Variants in TRDN observed in about 807,000 individuals in gnomAD.
TRDN encodes triadin in skeletal muscle.
A neutral mutation model predicts 149.7 loss-of-function variants in TRDN; 161 were observed. That is an observed-to-expected ratio of 1.08 (90% CI 0.95 to 1.23). The LOEUF (loss-of-function observed/expected upper bound fraction) is 1.23. TRDN is among the 50% of genes most tolerant of loss of function. The pLI, the probability that TRDN is intolerant of heterozygous loss-of-function variation, is 0.00. For synonymous variants in TRDN, 294 were observed against 250.5 expected (o/e 1.17, Z -1.64); for missense variants, 896 against 823.5 (o/e 1.09, Z -1.08).
At chr6:123,280,317 GA>G (rs1777535521) in intron 24 of TRDN, among the ~76,000 whole-genome samples, 1 of 152,098 alleles carries the variant, frequency 6.6e-6, no homozygotes, top group African/African-American at 2.4e-5. Context: ...AGAAAAAATG[GA>G]AAGAATTTTA....
intron 24 of TRDN, among the ~76,000 whole-genome samples, chr6:123,291,581 T>C (rs1451570708): frequency 6.6e-6 from 1 of 151,758 alleles, no homozygotes; most frequent in Admixed American, 6.6e-5. Flanking sequence ...AAGAAAGAGG[T>C]AGTATAGGAC....
chr6:123,447,569 G>T (rs971226961), intron 10 of TRDN, among the ~76,000 whole-genome samples: 3 of 152,106 alleles, frequency 2.0e-5, no homozygotes, highest in Non-Finnish European at 4.4e-5. Context: ...CCAGCTGAAG[G>T]AACTGAGGTA....
chr6:123,619,219 TA>T (rs1785254208), intron 1 of TRDN, among the ~76,000 whole-genome samples: 1 of 152,198 alleles, frequency 6.6e-6, no homozygotes, highest in East Asian at 1.9e-4. Context: ...AAAACAACTG[TA>T]ATCATTTATT....
chr6:123,301,529 CA>C (rs985970080), intron 24 of TRDN, among the ~76,000 whole-genome samples: 3 of 151,404 alleles, frequency 2.0e-5, no homozygotes, highest in Non-Finnish European at 4.4e-5. Flanking sequence ...ATTATGAAAT[CA>C]ATTTATACAT....
At chr6:123,580,428 G>A (rs1008391709) in intron 1 of TRDN, among the ~76,000 whole-genome samples, 1 of 152,064 alleles carries the variant, frequency 6.6e-6, no homozygotes, top group Non-Finnish European at 1.5e-5. Flanking sequence ...GAGAAAGATG[G>A]GACTGTGATC....
At chr6:123,307,511 T>C (rs1188191388) in intron 24 of TRDN, among the ~76,000 whole-genome samples, 1 of 152,116 alleles carries the variant, frequency 6.6e-6, no homozygotes, top group Non-Finnish European at 1.5e-5. Flanking sequence ...AAGTAGTTTG[T>C]GCATTTTCTT....
intron 23 of TRDN, among the ~76,000 whole-genome samples, chr6:123,319,838 C>G (rs1025186373): frequency 5.3e-5 from 8 of 152,046 alleles, no homozygotes; most frequent in African/African-American, 1.9e-4. Flanking sequence ...CTGTTGATTT[C>G]ATTTGTGAAA....
chr6:123,294,484 G>T (rs1425189127), intron 24 of TRDN, among the ~76,000 whole-genome samples: 1 of 152,160 alleles, frequency 6.6e-6, no homozygotes, highest in Non-Finnish European at 1.5e-5. Flanking sequence ...CGGGGGTGTG[G>T]ATAGGGGTGA....
chr6:123,255,907 A>G lies in TRDN; in HGVS notation c.1871-5T>C. ...GATGCTTCATGTCTGCTTTTTCTGT[A>G]TAGAAGAAACAGTAACAGGGTAATT... On this transcript the variant is annotated splice_polypyrimidine_tract_variant and splice_region_variant and intron_variant, in intron 35 of 40. Transcript: ENST00000334268. 1 of 1,289,546 alleles carries G rather than the reference A, an allele frequency of 7.8e-7. No homozygotes were observed. The highest frequency in any genetic ancestry group is 1.0e-6 in the Non-Finnish European group (1 of 998,040). The allele number at this position is 1,289,546 out of a possible 1,614,324, so 79.9% of individuals were successfully genotyped here.
In TRDN at chr6:123,228,811, CCA is replaced by C. The variant is rs1380058667; in HGVS notation, c.1976-4682_1976-4681del. 1.1e-4 allele frequency among the ~76,000 whole-genome samples: 17 copies of C among 151,820 alleles called. No individual in the cohort carries two copies. The East Asian group carries it at 2.9e-3, about 26-fold the overall frequency. The stretch of plus-strand genomic sequence containing the variant: ...CTGACAGAGTCAAGTTATGCATGAG[CCA>C]CACACACACTTGTGCAGAACAGAAA... On this transcript the variant is annotated intron_variant, in intron 38 of 40. Coordinates refer to ENST00000334268, the MANE Select transcript of TRDN (RefSeq NM_006073.4).
At chr6:123,229,871 G>A (rs868819028) in intron 38 of TRDN, among the ~76,000 whole-genome samples, 14 of 151,812 alleles carry the variant, frequency 9.2e-5, no homozygotes, top group South Asian at 2.1e-4. Context: ...AAGTGAATTC[G>A]CAAATTTTAT....
intron 4 of TRDN, among the ~76,000 whole-genome samples, chr6:123,543,894 G>A (rs964652411): frequency 3.3e-5 from 5 of 151,544 alleles, no homozygotes; most frequent in African/African-American, 1.2e-4. Context: ...CCTCTCTCAC[G>A]AAAATTTTAC....
intron 1 of TRDN, among the ~76,000 whole-genome samples, chr6:123,597,687 C>T (rs1784099354): frequency 6.6e-6 from 1 of 152,090 alleles, no homozygotes. Flanking sequence ...CAAGGCAAGA[C>T]ACTTTACCAG....
chr6:123,552,489 G>A (rs1781449034), intron 2 of TRDN, among the ~76,000 whole-genome samples: 2 of 152,010 alleles, frequency 1.3e-5, no homozygotes, highest in Non-Finnish European at 1.5e-5. Context: ...CATATCCTGA[G>A]AAACATTGGC....
chr6:123,389,676 C>T (rs1008096855), intron 13 of TRDN, among the ~76,000 whole-genome samples: 7 of 152,190 alleles, frequency 4.6e-5, no homozygotes, highest in South Asian at 2.1e-4. Flanking sequence ...ATGTTATTGA[C>T]GTGCTATTAC....
At position 123,496,857 on chromosome 6, in the gene TRDN, G is replaced by A. The variant is rs146679410; in HGVS notation, c.853+336C>T. ...AGAAAAGAAAGATATTTTCATTGTCGTGGGTCTTTTCTTCTAAGTTTACCA... is the reference window on the plus strand; with the variant it reads ...AGAAAAGAAAGATATTTTCATTGTCATGGGTCTTTTCTTCTAAGTTTACCA... On this transcript the variant is annotated intron_variant, in intron 9 of 40. Transcript: ENST00000334268. 5.3e-3 allele frequency among the ~76,000 whole-genome samples: 809 copies of A among 152,086 alleles called. 6 individuals carry two copies. The highest frequency in any genetic ancestry group is 0.018 in the African/African-American group (743 of 41,532).
At position 123,547,304 on chromosome 6, in the gene TRDN, GA is replaced by G. The variant is rs1164789388; in HGVS notation, c.424+35del. ...GCTGAAAACCAATATTACCATAAGA[GA>G]AAAATAATTATTATCAAAGGTGAAA... On this transcript the variant is annotated intron_variant, in intron 4 of 40. Transcript: ENST00000334268. The G allele has an allele frequency of 3.0e-6, 4 of 1,321,866 alleles. No homozygotes were observed. In the South Asian group the frequency reaches 6.4e-5, roughly 21 times the overall value. 81.9% of individuals were successfully genotyped at this position (1,321,866 alleles called of 1,614,324 possible). A position where few individuals can be genotyped will look rare whatever the true frequency, so the allele number is the denominator to read the frequency against.
chr6:123,635,646 C>G (rs1419289785), intron 1 of TRDN, among the ~76,000 whole-genome samples: 2 of 151,952 alleles, frequency 1.3e-5, no homozygotes, highest in African/African-American at 4.8e-5. Flanking sequence ...ACAGAAATTA[C>G]TGTGTGTCCA....
At chr6:123,316,420 C>T (rs1307715271) in intron 24 of TRDN, 37 bp downstream of exon 24, 5 of 1,589,184 alleles carry the variant, frequency 3.1e-6, no homozygotes, top group Non-Finnish European at 8.6e-7. Context: ...CCAAACAGAA[C>T]ATCTCCTTGT....
Sources: gnomAD v4.1 joint callset for allele counts (sites outside exome capture counted in the v4.1 genomes callset) on GRCh38, gnomAD v4.1.1 for gene constraint, MANE v1.5 for transcripts, NCBI Gene and HGNC (gene_info 2026-07-23, HGNC 2026-07-21) for gene names.